Variants in CCNJ observed in about 807,000 individuals in gnomAD.
CCNJ encodes cyclin J.
Under a neutral mutation model 41.4 loss-of-function variants are expected in CCNJ, and 12 were observed. That is an observed-to-expected ratio of 0.29 (90% CI 0.19 to 0.47). CCNJ has a LOEUF of 0.47. CCNJ is among the 20% of genes least tolerant of loss of function. CCNJ has a pLI of 1.00. For missense variants in CCNJ, 340 were observed against 464.6 expected, an observed-to-expected ratio of 0.73 and a Z score of 2.47; for synonymous variants, 161 against 173.4, an observed-to-expected ratio of 0.93 and a Z score of 0.56.
At chr10:96,045,887 G>A (rs1029189730) in intron 2 of CCNJ, among the ~76,000 whole-genome samples, 1 of 151,630 alleles carries the variant, frequency 6.6e-6, no homozygotes, top group African/African-American at 2.4e-5. Flanking sequence ...CACCTGCCTC[G>A]GCCTCCTAAA....
chr10:96,049,499 T>G (rs1371916883), intron 2 of CCNJ, among the ~76,000 whole-genome samples: 11 of 112,148 alleles, frequency 9.8e-5, no homozygotes, highest in South Asian at 2.8e-4. Context: ...TTTTTTTTTT[T>G]GCAGGGTAGG....
rs1437693972 is a variant in CCNJ, at chr10:96,056,435, CAT to C, written c.281-265_281-264del. On this transcript the variant is annotated intron_variant, in intron 3 of 5. Coordinates refer to ENST00000465148, the MANE Select transcript of CCNJ (RefSeq NM_001134375.2). The stretch of plus-strand genomic sequence containing the variant: ...GATTGAGTTATTTTTTTCACTGGCA[CAT>C]GACTATTTCCATTCTATACTAGAAC... 3.3e-5 allele frequency among the ~76,000 whole-genome samples: 5 copies of C among 152,052 alleles called. No individual in the cohort carries two copies. The East Asian group carries it at 9.6e-4, about 29-fold the overall frequency.
At chr10:96,055,427 AC>A (rs752301271) in intron 3 of CCNJ, among the ~76,000 whole-genome samples, 7 of 152,350 alleles carry the variant, frequency 4.6e-5, no homozygotes, top group East Asian at 3.9e-4. Context: ...TGGAACAAAG[AC>A]CCAAAGAGGC....
chr10:96,056,320 A>C (rs947724400), intron 3 of CCNJ, among the ~76,000 whole-genome samples: 6 of 152,144 alleles, frequency 3.9e-5, no homozygotes, highest in African/African-American at 7.2e-5. Context: ...AAAAAAAAAA[A>C]AACTATCTTC....
At chr10:96,052,268 C>T (rs1010273307) in intron 3 of CCNJ, among the ~76,000 whole-genome samples, 7 of 152,174 alleles carry the variant, frequency 4.6e-5, no homozygotes, top group African/African-American at 1.7e-4. Context: ...TGGAAAAGCT[C>T]ACACGTGACA....
chr10:96,058,283 A>G lies in CCNJ; in HGVS notation c.*42A>G. 5.2e-6 allele frequency: 8 copies of G among 1,550,994 alleles called. No homozygotes were observed. Among genetic ancestry groups the G allele is most frequent in the Admixed American group, 1.7e-5 (1 of 58,316 alleles). Reference sequence around the variant, plus strand: ...TAACCGACCCAGACTGCTTTGTGACATGAAGCTATGGGTAAGCGTTTTGTA... The same window carrying G: ...TAACCGACCCAGACTGCTTTGTGACGTGAAGCTATGGGTAAGCGTTTTGTA... On this transcript the variant is annotated 3_prime_UTR_variant, in exon 6 of 6. Coordinates refer to ENST00000465148, the MANE Select transcript of CCNJ (RefSeq NM_001134375.2).
chr10:96,044,637 A>T (rs555169820), intron 2 of CCNJ, among the ~76,000 whole-genome samples, 175 bp downstream of exon 2: 2 of 152,302 alleles, frequency 1.3e-5, no homozygotes, highest in East Asian at 1.9e-4. Flanking sequence ...TCTGGGATGT[A>T]TCAAAAGAAC....
chr10:96,056,721 G>A lies in CCNJ; in HGVS notation c.301G>A (p.Asp101Asn), dbSNP rs1487134477. ...LLASKFEEKE[D>N]SVPKLEQLNS... ...ATAAGGTAAATTTGAAGAAAAAGAA[G>A]ACAGTGTGCCTAAGCTGGAGCAGCT... Residue 101 changes from aspartate to asparagine, a missense_variant, in exon 4 of 6, where the codon GAC (aspartate) becomes AAC (asparagine). Asp to Asn is a conservative substitution (Grantham distance 23). Transcript: ENST00000465148. 1.3e-6 allele frequency: 2 copies of A among 1,594,812 alleles called. No homozygotes were observed. The highest frequency in any genetic ancestry group is 1.8e-5 in the Admixed American group (1 of 55,524).
rs113762121 is a variant in CCNJ at position 96,052,861 on chromosome 10, A to G, written c.280+2395A>G. ...GAATGTATGTGAGGTATTCTTCAGGATTTCTGCTCCTCCCAAGTAGCAAGT... is the reference window on the plus strand; with the variant it reads ...GAATGTATGTGAGGTATTCTTCAGGGTTTCTGCTCCTCCCAAGTAGCAAGT... On this transcript the variant is annotated intron_variant, in intron 3 of 5. Coordinates refer to ENST00000465148, the MANE Select transcript of CCNJ (RefSeq NM_001134375.2). 9.6e-3 allele frequency among the ~76,000 whole-genome samples: 1,455 copies of G among 152,168 alleles called. 22 individuals carry two copies. The highest frequency in any genetic ancestry group is 0.032 in the African/African-American group (1,329 of 41,522).
intron 2 of CCNJ, among the ~76,000 whole-genome samples, chr10:96,047,938 AC>A (rs992231121): frequency 2.5e-4 from 22 of 88,798 alleles, no homozygotes; most frequent in African/African-American, 8.6e-4. Context: ...TCCTCCTCCC[AC>A]CCCCACCCTC....
At chr10:96,045,550 T>A (rs542452169) in intron 2 of CCNJ, among the ~76,000 whole-genome samples, 290 of 152,314 alleles carry the variant, frequency 1.9e-3, no homozygotes, top group Non-Finnish European at 3.4e-3. Context: ...GTCTCTTAGA[T>A]TCACTAAAAT....
At chr10:96,052,893 A>G (rs1204597995) in intron 3 of CCNJ, among the ~76,000 whole-genome samples, 1 of 151,616 alleles carries the variant, frequency 6.6e-6, no homozygotes, top group Non-Finnish European at 1.5e-5. Flanking sequence ...AAGTTGTTCA[A>G]AAGAGTTTGA....
intron 1 of CCNJ, 85 bp downstream of exon 1, chr10:96,043,804 G>A: frequency 5.2e-6 from 2 of 385,112 alleles, no homozygotes; most frequent in Non-Finnish European, 9.2e-6. Flanking sequence ...GAGGCGCAGA[G>A]CCTGGCTGGC....
intron 2 of CCNJ, 115 bp from the exon 3 acceptor site, chr10:96,050,141 A>C (rs1295899704): frequency 1.3e-6 from 1 of 746,210 alleles, no homozygotes; most frequent in Non-Finnish European, 2.3e-6. Flanking sequence ...CAGTCAAGAA[A>C]AGTATGTTTT....
At chr10:96,047,107 G>T (rs1488764953) in intron 2 of CCNJ, among the ~76,000 whole-genome samples, 1 of 152,120 alleles carries the variant, frequency 6.6e-6, no homozygotes, top group Non-Finnish European at 1.5e-5. Context: ...TGACTATATT[G>T]TGTGATAAGC....
chr10:96,043,365 G>A (rs754316993), upstream of CCNJ: 197 of 346,378 alleles, frequency 5.7e-4, no homozygotes, highest in Non-Finnish European at 8.2e-4. Flanking sequence ...GGCAACCGAA[G>A]CGCCAGGCCA....
chr10:96,050,254 A>G lies in CCNJ; in HGVS notation c.70-2A>G. ...GACTAAATGTTGTTCCTTTTGACTT[A>G]GGAGCTGAAGTTGCCCTCCTATAAA... On this transcript the variant is annotated splice_acceptor_variant, in intron 2 of 5. Coordinates refer to ENST00000465148, the MANE Select transcript of CCNJ (RefSeq NM_001134375.2). LOFTEE classifies it high-confidence loss of function. 6.2e-7 allele frequency: 1 copy of G among 1,610,128 alleles called. No homozygotes were observed. Among genetic ancestry groups the G allele is most frequent in the Non-Finnish European group, 8.5e-7 (1 of 1,176,358 alleles).
chr10:96,043,642 C>T lies in CCNJ; in HGVS notation c.-119C>T, dbSNP rs748458492. 1.0e-5 allele frequency: 4 copies of T among 394,806 alleles called. No homozygotes were observed. Among genetic ancestry groups the T allele is most frequent in the Non-Finnish European group, 1.8e-5 (4 of 223,584 alleles). The allele number at this position is 394,806 out of a possible 1,614,324, so 24.5% of individuals were successfully genotyped here. Reference sequence around the variant, plus strand: ...TCTAGCTGAGGCCGGCGCTTAGCGGCCCACTGTCCGCAGCATGAGCGGGGC... The same window carrying T: ...TCTAGCTGAGGCCGGCGCTTAGCGGTCCACTGTCCGCAGCATGAGCGGGGC... On this transcript the variant is annotated 5_prime_UTR_variant, in exon 1 of 6. Transcript: ENST00000465148.
At position 96,057,181 on chromosome 10, in the gene CCNJ, C is replaced by T. The variant is rs750280363; in HGVS notation, c.674C>T (p.Thr225Ile). Residue 225 changes from threonine (T) to isoleucine (I), a missense_variant, in exon 5 of 6, where the codon ACA becomes ATA. By Grantham distance (89) the Thr-to-Ile change is moderately conservative (BLOSUM62 -1). Coordinates refer to ENST00000465148, the MANE Select transcript of CCNJ (RefSeq NM_001134375.2). ...IILRLSPTWP[T>I]RLHRLTAYSW... ...CTTCGTCTTTCTCCAACGTGGCCTA[C>T]AAGACTACATCGTCTTACTGCCTAC... The T allele has an allele frequency of 3.1e-6, 5 of 1,613,848 alleles. No homozygotes were observed. Among genetic ancestry groups the T allele is most frequent in the East Asian group, 4.5e-5 (2 of 44,886 alleles).
Sources: gnomAD v4.1 joint callset for allele counts (sites outside exome capture counted in the v4.1 genomes callset) on GRCh38, gnomAD v4.1.1 for gene constraint, MANE v1.5 for transcripts, NCBI Gene and HGNC (gene_info 2026-07-23, HGNC 2026-07-21) for gene names.